SUN1: variants seen among roughly 807,000 people sequenced by gnomAD.
SUN1 encodes SUN domain-containing protein 1.
SUN1 carries 61 observed loss-of-function variants against 103.2 expected under a neutral mutation model. The observed-to-expected ratio is 0.59, with a 90% CI of 0.48 to 0.73. SUN1 has a LOEUF of 0.73. Among genes scored for constraint, SUN1 ranks in the 30% least tolerant of loss-of-function variants. SUN1 has a pLI of 0.00. For missense variants in SUN1, 1,052 were observed against 1,034.6 expected, an observed-to-expected ratio of 1.02 and a Z score of -0.23; for synonymous variants, 490 against 425.7, an observed-to-expected ratio of 1.15 and a Z score of -1.86.
intron 1 of SUN1, chr7:817,480 C>A (rs1451859006): frequency 1.3e-6 from 2 of 1,535,884 alleles, no homozygotes; most frequent in African/African-American, 2.7e-5. Flanking sequence ...CTCCCGGCTC[C>A]CCAGGGCTCC....
In SUN1 at chr7:853,427, C is replaced by A. The variant is rs1402655652; in HGVS notation, c.1072C>A (p.Pro358Thr). ...ATTTCAGGGTGACAGTGAGGCTTTT[C>A]CGTGGCATTGGATGAGTGGCGTGGA... ...QPLQGDSEAF[P>T]WHWMSGVEQQ... The change falls in exon 10 of 19, where the codon CCG (proline) becomes ACG (threonine). Residue 358 changes from proline (P) to threonine (T), a missense_variant. Physicochemically the swap from Pro to Thr is conservative, Grantham distance 38 (BLOSUM62 -1). Coordinates refer to ENST00000401592, the MANE Select transcript of SUN1 (RefSeq NM_001130965.3). 2.5e-6 allele frequency: 4 copies of A among 1,613,730 alleles called. No individual in the cohort carries two copies. The highest frequency in any genetic ancestry group is 3.4e-6 in the Non-Finnish European group (4 of 1,180,052).
chr7:817,211 C>G, intron 1 of SUN1: 1 of 576,196 alleles, frequency 1.7e-6, no homozygotes, highest in Non-Finnish European at 3.1e-6. Context: ...CCTCCCGCCT[C>G]CGCCTCCCGA....
chr7:831,429 G>A (rs990750955), upstream of SUN1, among the ~76,000 whole-genome samples: 6 of 151,938 alleles, frequency 3.9e-5, no homozygotes, highest in Admixed American at 6.6e-5. Flanking sequence ...CCGCCACCAC[G>A]CCTGGCTAAT....
In SUN1 at chr7:826,226, T is replaced by G. The variant is rs184027854; in HGVS notation, c.-74+9553T>G. On this transcript the variant is annotated intron_variant, in intron 1 of 17. Transcript: ENST00000389574. ...CTGGGCGACAGAATGAGACCCTGTC[T>G]CTTAAAATACATACATAAGAAAGAA... Among the ~76,000 whole-genome samples the G allele has an allele frequency of 5.8e-4, 87 of 150,824 alleles. 1 individual carries two copies. The highest frequency in any genetic ancestry group is 2.0e-3 in the African/African-American group (80 of 41,006).
At chr7:867,341 C>T (rs886787208) in intron 16 of SUN1, among the ~76,000 whole-genome samples, 2 of 152,256 alleles carry the variant, frequency 1.3e-5, no homozygotes, top group Non-Finnish European at 2.9e-5. Flanking sequence ...CGAGTGCCAC[C>T]GGCACAGTCT....
intron 2 of SUN1, among the ~76,000 whole-genome samples, chr7:840,843 G>A (rs894329165): frequency 3.3e-5 from 5 of 151,448 alleles, no homozygotes; most frequent in Non-Finnish European, 5.9e-5. Context: ...GGGTTTCACC[G>A]TGTTAGCCAG....
At chr7:842,908 G>A (rs1421803470) in intron 3 of SUN1, 1 of 543,230 alleles carries the variant, frequency 1.8e-6, no homozygotes, top group Non-Finnish European at 3.3e-6. Flanking sequence ...TGCTGAGCGG[G>A]CTGTGAGAAG....
upstream of SUN1, chr7:815,827 C>G: frequency 4.7e-6 from 1 of 210,794 alleles, no homozygotes; most frequent in Non-Finnish European, 9.8e-6. Flanking sequence ...GGGAGGAGCC[C>G]GGCCTGCGAG....
intron 1 of SUN1, among the ~76,000 whole-genome samples, chr7:826,432 G>T (rs892733568): frequency 6.6e-6 from 1 of 152,172 alleles, no homozygotes; most frequent in Non-Finnish European, 1.5e-5. Flanking sequence ...GAAGGATCTG[G>T]CGAAACATCG....
chr7:827,636 A>T (rs1477234981), upstream of SUN1, among the ~76,000 whole-genome samples: 1 of 151,756 alleles, frequency 6.6e-6, no homozygotes, highest in Admixed American at 6.6e-5. Context: ...CGCCCGGCTA[A>T]TTTCTTGTAT....
intron 1 of SUN1, among the ~76,000 whole-genome samples, chr7:835,278 C>T (rs957974442): frequency 6.6e-6 from 1 of 152,244 alleles, no homozygotes; most frequent in African/African-American, 2.4e-5. Flanking sequence ...CACCAGTGGC[C>T]TGGCACTCTC....
intron 12 of SUN1, among the ~76,000 whole-genome samples, chr7:857,034 G>T (rs1052612719): frequency 2.0e-5 from 3 of 152,112 alleles, no homozygotes; most frequent in African/African-American, 4.8e-5. Flanking sequence ...TCTTCCACAC[G>T]ACCACTGATT....
chr7:840,879 G>A (rs1177944927), intron 2 of SUN1, among the ~76,000 whole-genome samples: 1 of 151,990 alleles, frequency 6.6e-6, no homozygotes, highest in African/African-American at 2.4e-5. Flanking sequence ...CTGACCTCGT[G>A]ATCCACCTGT....
chr7:856,650 C>T (rs192132566), intron 12 of SUN1, among the ~76,000 whole-genome samples: 2 of 152,296 alleles, frequency 1.3e-5, no homozygotes, highest in East Asian at 1.9e-4. Flanking sequence ...GTGCTGTCCG[C>T]GCCCCTGCTG....
chr7:840,960 T>A (rs562676313), intron 2 of SUN1, among the ~76,000 whole-genome samples: 3 of 150,354 alleles, frequency 2.0e-5, no homozygotes, highest in Non-Finnish European at 4.4e-5. Context: ...TGAGACAGAG[T>A]TTCGCTTTTG....
In SUN1 at chr7:852,962, T is replaced by C. The variant is rs780548870; in HGVS notation, c.1053+10T>C. 12 of 1,607,478 alleles carry C rather than the reference T, an allele frequency of 7.5e-6. No homozygotes were observed. Among genetic ancestry groups the C allele is most frequent in the Admixed American group, 3.4e-5 (2 of 59,084 alleles). The stretch of plus-strand genomic sequence containing the variant: ...GAAGCAGCCTCTGCAGGTAAGAGGG[T>C]AGAAAGGCCTCTCAGCTGGCACTGC... On this transcript the variant is annotated intron_variant, in intron 9 of 18. Transcript: ENST00000401592.
chr7:848,671 A>C, intron 5 of SUN1: 1 of 1,240,378 alleles, frequency 8.1e-7, no homozygotes, highest in Non-Finnish European at 1.0e-6. Context: ...GCAGTGGAGA[A>C]AGTGCTGTGA....
chr7:861,914 C>T (rs761627021), intron 15 of SUN1, among the ~76,000 whole-genome samples: 3 of 152,172 alleles, frequency 2.0e-5, no homozygotes, highest in Admixed American at 6.5e-5. Flanking sequence ...ATACAAAGGC[C>T]GCTGTGGTCG....
At position 852,875 on chromosome 7, in the gene SUN1, A is replaced by G. The variant is rs1357277229; in HGVS notation, c.976A>G (p.Met326Val). 3 of 1,614,124 alleles carry G rather than the reference A, an allele frequency of 1.9e-6. No homozygotes were observed. The South Asian group carries it at 3.3e-5, about 18-fold the overall frequency. ...SFLPVLNWAS[M>V]HRTQRVDDPQ... ...CTTGCCCGTGTTGAACTGGGCAAGC[A>G]TGCATAGAACACAGCGGGTGGATGA... is the stretch of plus-strand genomic sequence containing the variant. The change falls in exon 9 of 19, where the codon ATG (methionine) becomes GTG (valine). Residue 326 changes from methionine (M) to valine (V), a missense_variant. Around this residue, in one of 2 missense-constraint regions of SUN1, gnomAD observed 846 missense variants for 774.5 expected, o/e 1.09. Coordinates refer to ENST00000401592, the MANE Select transcript of SUN1 (RefSeq NM_001130965.3).
Sources: gnomAD v4.1 joint callset for allele counts (sites outside exome capture counted in the v4.1 genomes callset) on GRCh38, gnomAD v4.1.1 for gene constraint, gnomAD v4.1.1 regional missense constraint, MANE v1.5 for transcripts, NCBI Gene and HGNC (gene_info 2026-07-23, HGNC 2026-07-21) for gene names.